TAFA4: variants seen among roughly 807,000 people sequenced by gnomAD.
TAFA4 encodes TAFA chemokine like family member 4.
TAFA4 carries 20 observed loss-of-function variants against 21.1 expected under a neutral mutation model. The observed-to-expected ratio is 0.95, with a 90% CI of 0.67 to 1.38. TAFA4 has a LOEUF of 1.38. Among genes scored for constraint, TAFA4 ranks in the 40% most tolerant of loss-of-function variants. The probability of loss-of-function intolerance (pLI) is 0.00; values close to 1 mark genes in which losing one functional copy is unlikely to be tolerated. For missense variants in TAFA4, 211 were observed against 180.9 expected (o/e 1.17, Z -0.95); for synonymous variants, 71 against 67.4 (o/e 1.05, Z -0.26).
chr3:68,891,291 A>G (rs2089727885), intron 1 of TAFA4, among the ~76,000 whole-genome samples: 1 of 152,214 alleles, frequency 6.6e-6, no homozygotes, highest in Non-Finnish European at 1.5e-5. Flanking sequence ...CATTTTTGCA[A>G]AAGTACACAG....
chr3:68,770,280 T>C (rs766861236), intron 3 of TAFA4, among the ~76,000 whole-genome samples: 3 of 152,170 alleles, frequency 2.0e-5, no homozygotes, highest in Non-Finnish European at 4.4e-5. Flanking sequence ...GGGTCAGTTG[T>C]AGGGGTTATG....
At chr3:68,782,599 C>T (rs1004108809) in intron 3 of TAFA4, among the ~76,000 whole-genome samples, 1 of 151,684 alleles carries the variant, frequency 6.6e-6, no homozygotes, top group African/African-American at 2.4e-5. Flanking sequence ...CATGAATGAA[C>T]CTTAAAAACA....
At position 68,849,596 on chromosome 3, in the gene TAFA4, C is replaced by T. The variant is rs539406738; in HGVS notation, c.130+31134G>A. The stretch of plus-strand genomic sequence containing the variant: ...GGACCCTTCGGACTAGCCCAGGTGT[C>T]AGCTGACTATCACCAAGCAACCCAG... On this transcript the variant is annotated intron_variant, in intron 3 of 5. Transcript: ENST00000295569. 2.6e-4 allele frequency among the ~76,000 whole-genome samples: 40 copies of T among 152,322 alleles called. 1 individual carries two copies. The South Asian group carries it at 8.1e-3, about 31-fold the overall frequency.
intron 3 of TAFA4, among the ~76,000 whole-genome samples, chr3:68,840,601 A>G (rs1015805743): frequency 1.3e-5 from 2 of 152,186 alleles, no homozygotes; most frequent in African/African-American, 4.8e-5. Flanking sequence ...TTAGAAGGTA[A>G]ATAAAAACTC....
At chr3:68,851,011 T>C (rs1041934252) in intron 3 of TAFA4, among the ~76,000 whole-genome samples, 8 of 152,134 alleles carry the variant, frequency 5.3e-5, no homozygotes, top group African/African-American at 1.9e-4. Flanking sequence ...CAAGGGAATA[T>C]AAATTATTCT....
intron 3 of TAFA4, among the ~76,000 whole-genome samples, chr3:68,830,868 G>A (rs895909113): frequency 1.3e-5 from 2 of 152,178 alleles, no homozygotes; most frequent in Non-Finnish European, 2.9e-5. Context: ...GAATCTGGGT[G>A]TTCCTGTATT....
At chr3:68,780,559 C>T (rs1241961550) in intron 3 of TAFA4, among the ~76,000 whole-genome samples, 3 of 152,216 alleles carry the variant, frequency 2.0e-5, no homozygotes, top group Non-Finnish European at 4.4e-5. Context: ...TGCACAAGCT[C>T]TCTCATTCTC....
chr3:68,792,504 G>T (rs1223252325), intron 3 of TAFA4, among the ~76,000 whole-genome samples: 2 of 151,956 alleles, frequency 1.3e-5, no homozygotes, highest in African/African-American at 2.4e-5. Flanking sequence ...AACCTCCACA[G>T]TAGACAAAAA....
chr3:68,840,840 C>T (rs943041231), intron 3 of TAFA4, among the ~76,000 whole-genome samples: 1 of 152,174 alleles, frequency 6.6e-6, no homozygotes, highest in African/African-American at 2.4e-5. Flanking sequence ...TGCGCTTGCC[C>T]ATGGCTAGAC....
At chr3:68,926,906 G>A (rs766494115) in intron 1 of TAFA4, among the ~76,000 whole-genome samples, 6 of 152,050 alleles carry the variant, frequency 3.9e-5, no homozygotes, top group Non-Finnish European at 7.4e-5. Context: ...GCAAGAATCC[G>A]TCTCAAAAAA....
rs1161640339 is a variant in TAFA4, at chr3:68,809,396, T to C, written c.131-56378A>G. ...AAAGTTCACTATAACAGTATGGGAA[T>C]AGTTACTTGTCTAGAAATATAATTG... On this transcript the variant is annotated intron_variant, in intron 3 of 5. Transcript: ENST00000295569. Among the ~76,000 whole-genome samples, 5 of 152,226 alleles carry C rather than the reference T, an allele frequency of 3.3e-5. No individual in the cohort carries two copies. The East Asian group carries it at 7.7e-4, about 23-fold the overall frequency.
At chr3:68,779,597 G>C (rs529230820) in intron 3 of TAFA4, among the ~76,000 whole-genome samples, 6 of 152,332 alleles carry the variant, frequency 3.9e-5, no homozygotes, top group Admixed American at 3.9e-4. Context: ...TTGCTTCAGA[G>C]GGTTGAAGCC....
At chr3:68,736,937 G>A (rs778682346) in intron 5 of TAFA4, among the ~76,000 whole-genome samples, 4 of 151,992 alleles carry the variant, frequency 2.6e-5, no homozygotes, top group African/African-American at 7.2e-5. Flanking sequence ...ACAACTTTTC[G>A]AAGTGCTAAA....
chr3:68,858,613 T>TG (rs1262733967), intron 3 of TAFA4, among the ~76,000 whole-genome samples: 1 of 151,580 alleles, frequency 6.6e-6, no homozygotes, highest in African/African-American at 2.4e-5. Flanking sequence ...TGTGTGTGTC[T>TG]TTAAGGCGTA....
intron 3 of TAFA4, among the ~76,000 whole-genome samples, chr3:68,859,400 G>A (rs768466270): frequency 2.0e-5 from 3 of 151,988 alleles, no homozygotes; most frequent in South Asian, 2.1e-4. Context: ...TCCTTGCTGC[G>A]AAGTTTTCCT....
chr3:68,847,401 ACT>A (rs1704831224), intron 3 of TAFA4, among the ~76,000 whole-genome samples: 1 of 152,216 alleles, frequency 6.6e-6, no homozygotes, highest in African/African-American at 2.4e-5. Context: ...TCAACTTCAG[ACT>A]GCTGTGCTGG....
At chr3:68,737,831 A>G (rs1702272027) in intron 5 of TAFA4, among the ~76,000 whole-genome samples, 1 of 152,188 alleles carries the variant, frequency 6.6e-6, no homozygotes, top group Non-Finnish European at 1.5e-5. Context: ...CACTGTATGT[A>G]CTTCCTAAGG....
intron 4 of TAFA4, among the ~76,000 whole-genome samples, chr3:68,750,062 G>A (rs1702532933): frequency 6.6e-6 from 1 of 152,172 alleles, no homozygotes; most frequent in Middle Eastern, 3.2e-3. Context: ...CACTGATCCT[G>A]TGACACTAGG....
intron 1 of TAFA4, among the ~76,000 whole-genome samples, chr3:68,924,725 T>A (rs925581589): frequency 6.6e-6 from 1 of 152,126 alleles, no homozygotes. Flanking sequence ...CTATTATAAT[T>A]TTTTTAAAGC....
Sources: allele counts gnomAD v4.1 joint callset (sites outside exome capture counted in the v4.1 genomes callset), GRCh38; gene constraint gnomAD v4.1.1; transcripts MANE v1.5; gene names NCBI Gene and HGNC (gene_info 2026-07-23, HGNC 2026-07-21).